Variants in CAMK1D observed in about 807,000 individuals in gnomAD.
CAMK1D encodes calcium/calmodulin dependent protein kinase ID.
In CAMK1D, 9 loss-of-function variants were observed where a neutral mutation model predicts 47.7. That is an observed-to-expected ratio of 0.19 (90% CI 0.11 to 0.33). The LOEUF (loss-of-function observed/expected upper bound fraction) is 0.33. Ranked by LOEUF, CAMK1D falls within the 10% of genes least tolerant of loss-of-function variation. The pLI is 1.00. For missense variants in CAMK1D, 291 were observed against 488.7 expected (o/e 0.60, Z 3.81); for synonymous variants, 184 against 184.9 (o/e 0.99, Z 0.04).
chr10:12,633,148 G>A (rs888743307), intron 2 of CAMK1D, among the ~76,000 whole-genome samples: 11 of 152,198 alleles, frequency 7.2e-5, no homozygotes, highest in African/African-American at 2.4e-4. Flanking sequence ...GAAGCCATGC[G>A]TTTGGATATT....
chr10:12,830,957 AC>A lies in CAMK1D; in HGVS notation c.*2071del, dbSNP rs879369413. ...CACACACACACACACACACACACAC[AC>A]ACACACAATGTTATTAGGCACAGCA... On this transcript the variant is annotated 3_prime_UTR_variant, in exon 11 of 11. Transcript: ENST00000619168. The A allele has an allele frequency of 7.3e-3, 1,091 of 148,982 alleles. 6 individuals are homozygous for A. Among genetic ancestry groups the A allele is most frequent in the Non-Finnish European group, 0.011 (788 of 70,258 alleles). The allele number at this position is 148,982 out of a possible 1,614,324, so 9.2% of individuals were successfully genotyped here.
intron 1 of CAMK1D, among the ~76,000 whole-genome samples, chr10:12,507,311 T>C (rs1834905596): frequency 6.6e-6 from 1 of 152,172 alleles, no homozygotes; most frequent in Non-Finnish European, 1.5e-5. Flanking sequence ...TTATATAAGC[T>C]TGGATGGTGC....
chr10:12,824,356 C>A, intron 8 of CAMK1D, 109 bp from the exon 9 acceptor site: 1 of 907,202 alleles, frequency 1.1e-6, no homozygotes, highest in Non-Finnish European at 1.8e-6. Flanking sequence ...CCACCCTGTC[C>A]ACGACTGAGC....
intron 1 of CAMK1D, among the ~76,000 whole-genome samples, chr10:12,371,274 C>T (rs1424082570): frequency 1.3e-5 from 2 of 152,108 alleles, no homozygotes; most frequent in African/African-American, 2.4e-5. Flanking sequence ...ACAGGTTCAC[C>T]ATTTAAAAAA....
Position 12,421,511 on chromosome 10 carries a change from CTTTTTTTTTTTTTT to C in CAMK1D, c.92+71620_92+71633del, listed in dbSNP as rs71384322. 2.6e-3 allele frequency among the ~76,000 whole-genome samples: 133 copies of C among 50,754 alleles called. 1 individual carries two copies. In the South Asian group the frequency reaches 0.035, roughly 13 times the overall value. The allele number at this position is 50,754 out of a possible 152,430, so 33.3% of individuals were successfully genotyped here. ...CATGCTGGGCCATTTATCCAGGATT[CTTTTTTTTTTTTTT>C]TTTTTTTTTTTTTTTTTTGAGACAA... On this transcript the variant is annotated intron_variant, in intron 1 of 10. Transcript: ENST00000619168.
At chr10:12,536,795 T>C (rs1564398003) in intron 1 of CAMK1D, among the ~76,000 whole-genome samples, 2 of 152,322 alleles carry the variant, frequency 1.3e-5, no homozygotes, top group East Asian at 1.9e-4. Context: ...TTTTTTTCAA[T>C]TGTAATTATG....
rs148415252 is a variant in CAMK1D at position 12,360,578 on chromosome 10, C to T, written c.92+10668C>T. On this transcript the variant is annotated intron_variant, in intron 1 of 10. Transcript: ENST00000619168. ...TACCTCAAAATAGGTTGAGAGGCTG[C>T]CAGTCATTTACTATGTAAGTGATTT... Among the ~76,000 whole-genome samples the T allele has an allele frequency of 3.2e-3, 491 of 152,248 alleles. 5 individuals are homozygous for T. The highest frequency in any genetic ancestry group is 0.011 in the African/African-American group (442 of 41,536).
At chr10:12,760,336 C>G (rs1836442761) in intron 3 of CAMK1D, among the ~76,000 whole-genome samples, 1 of 152,158 alleles carries the variant, frequency 6.6e-6, no homozygotes, top group South Asian at 2.1e-4. Context: ...TGATTTCTTG[C>G]CTGCTTTTTC....
chr10:12,360,267 C>G (rs181577667), intron 1 of CAMK1D, among the ~76,000 whole-genome samples: 1 of 152,308 alleles, frequency 6.6e-6, no homozygotes, highest in Admixed American at 6.5e-5. Context: ...AATAAAACCT[C>G]AGACAGTTTC....
At chr10:12,672,413 G>A (rs1300251141) in intron 3 of CAMK1D, among the ~76,000 whole-genome samples, 1 of 151,984 alleles carries the variant, frequency 6.6e-6, no homozygotes, top group Non-Finnish European at 1.5e-5. Flanking sequence ...CTGTCGCCGA[G>A]GCCTGAGTAC....
At chr10:12,659,768 T>G (rs1420654248) in intron 2 of CAMK1D, among the ~76,000 whole-genome samples, 1 of 152,310 alleles carries the variant, frequency 6.6e-6, no homozygotes, top group East Asian at 1.9e-4. Flanking sequence ...CCTCTCTTTT[T>G]GTGTGAATAA....
chr10:12,825,578 A>G lies in CAMK1D; in HGVS notation c.927A>G (p.Ala309=). ...KNFAKSKWRQ[A]FNATAVVRHM... is the part of the protein sequence containing the mutation. ...TTTCCTTTCTGAAATTTCAGCAAGC[A>G]TTTAATGCCACGGCCGTCGTCAGAC... Residue 309 remains alanine, a synonymous_variant, in exon 10 of 11, where the codon GCA becomes GCG. Coordinates refer to ENST00000619168, the MANE Select transcript of CAMK1D (RefSeq NM_153498.4). 6.2e-7 allele frequency: 1 copy of G among 1,604,330 alleles called. No individual in the cohort carries two copies. Among genetic ancestry groups the G allele is most frequent in the Non-Finnish European group, 8.5e-7 (1 of 1,177,174 alleles).
intron 2 of CAMK1D, among the ~76,000 whole-genome samples, chr10:12,571,008 G>A (rs1837307555): frequency 6.6e-6 from 1 of 152,032 alleles, no homozygotes; most frequent in South Asian, 2.1e-4. Flanking sequence ...CTCACATCTG[G>A]CTGTTTTTCC....
At chr10:12,423,007 C>T (rs1166664330) in intron 1 of CAMK1D, among the ~76,000 whole-genome samples, 1 of 151,820 alleles carries the variant, frequency 6.6e-6, no homozygotes, top group East Asian at 1.9e-4. Flanking sequence ...AATTTATACA[C>T]TATGACTTGT....
chr10:12,786,522 A>G (rs1441214652), intron 5 of CAMK1D, among the ~76,000 whole-genome samples: 2 of 152,170 alleles, frequency 1.3e-5, no homozygotes, highest in Non-Finnish European at 2.9e-5. Flanking sequence ...GTGTTATCCA[A>G]AGCAGAAATC....
chr10:12,769,012 G>A (rs955860153), intron 4 of CAMK1D, among the ~76,000 whole-genome samples: 20 of 152,202 alleles, frequency 1.3e-4, no homozygotes, highest in African/African-American at 4.8e-4. Context: ...CCCAAGCACT[G>A]TTCAGAGGAA....
At chr10:12,377,372 G>A (rs1838215014) in intron 1 of CAMK1D, among the ~76,000 whole-genome samples, 1 of 152,106 alleles carries the variant, frequency 6.6e-6, no homozygotes, top group Admixed American at 6.6e-5. Flanking sequence ...TTTCTCAAAT[G>A]GCTAAAACAT....
chr10:12,568,261 A>C (rs940363328), intron 2 of CAMK1D, among the ~76,000 whole-genome samples: 740 of 19,722 alleles, frequency 0.038, 27 homozygotes, highest in African/African-American at 0.14. Context: ...CCCCTCCCCT[A>C]CCCTTCTCCG....
chr10:12,406,950 A>G (rs1487059933), intron 1 of CAMK1D, among the ~76,000 whole-genome samples: 3 of 152,040 alleles, frequency 2.0e-5, no homozygotes, highest in African/African-American at 2.4e-5. Flanking sequence ...ACTGCTTCAC[A>G]TCTTGATACC....
Sources: allele counts gnomAD v4.1 joint callset (sites outside exome capture counted in the v4.1 genomes callset), GRCh38; gene constraint gnomAD v4.1.1; transcripts MANE v1.5; gene names NCBI Gene and HGNC (gene_info 2026-07-23, HGNC 2026-07-21).